KCNJ15: variants seen among roughly 807,000 people sequenced by gnomAD.
KCNJ15 encodes the protein ATP-sensitive inward rectifier potassium channel 15.
Under a neutral mutation model 23.0 loss-of-function variants are expected in KCNJ15, and 14 were observed. The ratio of observed to expected loss-of-function variants is 0.61; its 90% confidence interval spans 0.40 to 0.95. The LOEUF is 0.95. Ranked by LOEUF, KCNJ15 falls within the 40% of genes least tolerant of loss-of-function variation. The pLI, the probability that KCNJ15 is intolerant of heterozygous loss-of-function variation, is 0.00. For synonymous variants in KCNJ15, 185 were observed against 183.2 expected (o/e 1.01, Z -0.08); for missense variants, 388 against 461.8 (o/e 0.84, Z 1.46).
At chr21:38,249,612 C>G (rs1371320366) in intron 1 of KCNJ15, among the ~76,000 whole-genome samples, 1 of 152,166 alleles carries the variant, frequency 6.6e-6, no homozygotes, top group East Asian at 1.9e-4. Context: ...CATGTCTAGT[C>G]TGTATAGGTG....
At chr21:38,281,880 TC>T (rs140280095) in intron 1 of KCNJ15, among the ~76,000 whole-genome samples, 2,508 of 152,282 alleles carry the variant, frequency 0.016, 90 homozygotes, top group African/African-American at 0.058. Context: ...AATTTACATT[TC>T]CATCAATAGT....
chr21:38,305,932 G>A lies in KCNJ15; in HGVS notation c.*5543G>A, dbSNP rs1986039275. ...CAATTATCAAGGGAAAATTTCAGCTGAACACGGGGAACCCAGTCTTTGACA... is the reference window on the plus strand; with the variant it reads ...CAATTATCAAGGGAAAATTTCAGCTAAACACGGGGAACCCAGTCTTTGACA... On this transcript the variant is annotated 3_prime_UTR_variant, in exon 3 of 3. Coordinates refer to ENST00000398938, the MANE Select transcript of KCNJ15 (RefSeq NM_170736.3). 6.6e-6 allele frequency: 1 copy of A among 152,182 alleles called. No individual in the cohort carries two copies. The highest frequency in any genetic ancestry group is 2.1e-4 in the South Asian group (1 of 4,820). The allele number at this position is 152,182 out of a possible 1,614,324, so 9.4% of individuals were successfully genotyped here. A position where few individuals can be genotyped will look rare whatever the true frequency, so the allele number is the denominator to read the frequency against.
chr21:38,237,030 G>A (rs1978650400), intron 1 of KCNJ15, among the ~76,000 whole-genome samples: 1 of 152,084 alleles, frequency 6.6e-6, no homozygotes, highest in Non-Finnish European at 1.5e-5. Context: ...GCACAGGCGT[G>A]GTACTCTGTG....
intron 1 of KCNJ15, among the ~76,000 whole-genome samples, chr21:38,263,051 G>A (rs1981084826): frequency 6.6e-6 from 1 of 152,162 alleles, no homozygotes; most frequent in South Asian, 2.1e-4. Flanking sequence ...TTGTCAACAG[G>A]AATGCTGTGA....
chr21:38,295,204 A>G (rs1363371141), intron 1 of KCNJ15, among the ~76,000 whole-genome samples: 1 of 152,194 alleles, frequency 6.6e-6, no homozygotes, highest in Non-Finnish European at 1.5e-5. Flanking sequence ...ACAAAAGACA[A>G]CATTCTATTT....
chr21:38,277,589 C>T lies in KCNJ15; in HGVS notation c.-116-19337C>T, dbSNP rs905043251. Among the ~76,000 whole-genome samples the T allele has an allele frequency of 7.2e-5, 11 of 152,236 alleles. No individual in the cohort carries two copies. The South Asian group carries it at 8.3e-4, about 11-fold the overall frequency. On this transcript the variant is annotated intron_variant, in intron 1 of 2. Transcript: ENST00000398938. Reference sequence around the variant, plus strand: ...GCTCTTGGAGGATACGGGTGATTCACGGCATAAGAGTCATCTACCAAGTCA... The same window carrying T: ...GCTCTTGGAGGATACGGGTGATTCATGGCATAAGAGTCATCTACCAAGTCA...
At chr21:38,298,850 C>A (rs9983358) in intron 2 of KCNJ15, among the ~76,000 whole-genome samples, 66,532 of 151,976 alleles carry the variant, frequency 0.44, 15,936 homozygotes, top group Non-Finnish European at 0.55. Context: ...AGTTTGTTAT[C>A]ACAAAAAACA....
chr21:38,291,964 G>T (rs1445205699), intron 1 of KCNJ15, among the ~76,000 whole-genome samples: 2 of 152,174 alleles, frequency 1.3e-5, no homozygotes, highest in Non-Finnish European at 2.9e-5. Context: ...CTAATATCAG[G>T]CCTGGCACAG....
chr21:38,282,897 AC>A (rs1172368911), intron 1 of KCNJ15, among the ~76,000 whole-genome samples: 1 of 152,152 alleles, frequency 6.6e-6, no homozygotes, highest in African/African-American at 2.4e-5. Context: ...GGTGAACGCT[AC>A]CTGCATGCTG....
At chr21:38,249,495 T>C (rs1180021061) in intron 1 of KCNJ15, among the ~76,000 whole-genome samples, 2 of 152,174 alleles carry the variant, frequency 1.3e-5, no homozygotes, top group Non-Finnish European at 2.9e-5. Flanking sequence ...ACAGAATGGA[T>C]GACAGATAGG....
chr21:38,304,062 T>G lies in KCNJ15; in HGVS notation c.*3673T>G, dbSNP rs961349097. ...ATTAAATTTCTGAAATAACTAGTTT[T>G]TTTTTTTTGAACTTGAAAATCAGCT... On this transcript the variant is annotated 3_prime_UTR_variant, in exon 3 of 3. Transcript: ENST00000398938. 5 of 151,854 alleles carry G rather than the reference T, an allele frequency of 3.3e-5. No individual in the cohort carries two copies. The highest frequency in any genetic ancestry group is 9.7e-5 in the African/African-American group (4 of 41,350). 9.4% of individuals were successfully genotyped at this position (151,854 alleles called of 1,614,324 possible).
chr21:38,255,876 AGAT>A (rs1980181006), upstream of KCNJ15, among the ~76,000 whole-genome samples: 1 of 152,266 alleles, frequency 6.6e-6, no homozygotes, highest in African/African-American at 2.4e-5. Context: ...ATGTCAAACC[AGAT>A]GCCGTGGTCT....
chr21:38,252,503 TAATCAAACTA>T (rs1447387379), upstream of KCNJ15, among the ~76,000 whole-genome samples: 1 of 152,224 alleles, frequency 6.6e-6, no homozygotes, highest in Non-Finnish European at 1.5e-5. Flanking sequence ...ATTTAGTTAC[TAATCAAACTA>T]AATTGACATG....
chr21:38,300,733 AAGATTATT>A lies in KCNJ15; in HGVS notation c.*347_*354del. The A allele has an allele frequency of 4.6e-6, 1 of 217,538 alleles. No individual in the cohort carries two copies. Among genetic ancestry groups the A allele is most frequent in the Non-Finnish European group, 1.0e-5 (1 of 100,444 alleles). The allele number at this position is 217,538 out of a possible 1,614,324, so 13.5% of individuals were successfully genotyped here. A position where few individuals can be genotyped will look rare whatever the true frequency, so the allele number is the denominator to read the frequency against. The stretch of plus-strand genomic sequence containing the variant: ...ATTAAAAGGAAATGTATTTCTATAC[AAGATTATT>A]AGCTGTAATACAAGATATTTATTTA... On this transcript the variant is annotated 3_prime_UTR_variant, in exon 3 of 3. Coordinates refer to ENST00000398938, the MANE Select transcript of KCNJ15 (RefSeq NM_170736.3).
intron 1 of KCNJ15, among the ~76,000 whole-genome samples, chr21:38,280,649 C>G (rs1983227602): frequency 1.3e-5 from 2 of 152,234 alleles, no homozygotes; most frequent in South Asian, 4.1e-4. Context: ...AAGCCAAATG[C>G]TTAAACAAAA....
At chr21:38,231,396 T>C (rs1988738861) in intron 1 of KCNJ15, among the ~76,000 whole-genome samples, 1 of 151,882 alleles carries the variant, frequency 6.6e-6, no homozygotes, top group Non-Finnish European at 1.5e-5. Flanking sequence ...TATAAGAACT[T>C]TTCCTTATGT....
chr21:38,247,104 GGATGGATGGATGGATGGATGGATGCA>G (rs1979443523), intron 1 of KCNJ15, among the ~76,000 whole-genome samples: 3 of 134,996 alleles, frequency 2.2e-5, no homozygotes, highest in Admixed American at 1.5e-4. Flanking sequence ...ATGGATGCAT[GGATGGATGGATGGATGGATGGATGCA>G]TGGATGGATG....
chr21:38,233,010 C>A (rs922317482), intron 1 of KCNJ15, among the ~76,000 whole-genome samples: 1 of 151,938 alleles, frequency 6.6e-6, no homozygotes, highest in Non-Finnish European at 1.5e-5. Context: ...TCCTTTATAA[C>A]CTTCTTCCCA....
intron 1 of KCNJ15, among the ~76,000 whole-genome samples, chr21:38,275,106 A>T (rs554661639): frequency 6.6e-6 from 1 of 152,078 alleles, no homozygotes; most frequent in South Asian, 2.1e-4. Context: ...CTCCTGTTCA[A>T]CCTTTCTACT....
Sources: gnomAD v4.1 joint callset for allele counts (sites outside exome capture counted in the v4.1 genomes callset) on GRCh38, gnomAD v4.1.1 for gene constraint, MANE v1.5 for transcripts, NCBI Gene and HGNC (gene_info 2026-07-23, HGNC 2026-07-21) for gene names.